The following PATL2 variants were observed in gnomAD, a reference collection of about 807,000 sequenced individuals.
PATL2 encodes the protein protein PAT1 homolog 2.
A neutral mutation model predicts 77.0 loss-of-function variants in PATL2; 73 were observed. The ratio of observed to expected loss-of-function variants is 0.95; its 90% CI spans 0.78 to 1.15. The LOEUF is 1.15. Ranked by LOEUF, PATL2 falls within the 50% of genes most tolerant of loss-of-function variation. The pLI is 0.00. For missense variants in PATL2, 618 were observed against 655.4 expected (o/e 0.94, Z 0.62); for synonymous variants, 265 against 257.1 (o/e 1.03, Z -0.29).
chr15:44,674,332 G>A, intron 5 of PATL2, 102 bp from the exon 6 acceptor site: 2 of 890,724 alleles, frequency 2.2e-6, no homozygotes, highest in East Asian at 5.5e-5. Context: ...GCAAGACCAG[G>A]TGTTCCAACA....
intron 3 of PATL2, among the ~76,000 whole-genome samples, chr15:44,707,558 C>A (rs944095053): frequency 3.3e-5 from 5 of 152,154 alleles, no homozygotes; most frequent in African/African-American, 4.8e-5. Context: ...GGCCTCAGGA[C>A]TTTGCCTGGT....
chr15:44,697,568 T>A (rs2086534271), intron 3 of PATL2: 1 of 152,214 alleles, frequency 6.6e-6, no homozygotes, highest in Admixed American at 6.6e-5. Flanking sequence ...GTGTATCTAG[T>A]TCCCCTCACC....
At chr15:44,668,889 G>T in intron 14 of PATL2, 91 bp downstream of exon 14, 33 of 1,394,916 alleles carry the variant, frequency 2.4e-5, no homozygotes, top group Non-Finnish European at 3.0e-5. Context: ...CACCTTCTCT[G>T]GCATCTCTGG....
intron 7 of PATL2, 133 bp from the exon 8 acceptor site, chr15:44,672,589 G>C (rs2085744683): frequency 3.6e-6 from 3 of 825,650 alleles, no homozygotes; most frequent in Non-Finnish European, 5.7e-6. Context: ...CCCAAAGTCA[G>C]CCACATGGCA....
At position 44,710,883 on chromosome 15, in the gene PATL2, G is replaced by A. The variant is rs904675909; in HGVS notation, c.-207C>T. The A allele has an allele frequency of 2.2e-5, 3 of 133,678 alleles. No individual in the cohort carries two copies. Among genetic ancestry groups the A allele is most frequent in the African/African-American group, 8.8e-5 (3 of 34,258 alleles). The allele number at this position is 133,678 out of a possible 1,614,324, so 8.3% of individuals were successfully genotyped here. A position where few individuals can be genotyped will look rare whatever the true frequency, so the allele number is the denominator to read the frequency against. On this transcript the variant is annotated 5_prime_UTR_variant, in exon 2 of 18. Transcript: ENST00000682850. Reference sequence around the variant, plus strand: ...CAAAGAAAATTACCTAAACAGCAAGGACATAGGGAGGAACTTCTTGGCACA... The same window carrying A: ...CAAAGAAAATTACCTAAACAGCAAGAACATAGGGAGGAACTTCTTGGCACA...
chr15:44,672,218 G>A (rs1459990936), intron 8 of PATL2, 62 bp from the exon 9 acceptor site: 2 of 1,550,696 alleles, frequency 1.3e-6, no homozygotes, highest in African/African-American at 1.4e-5. Context: ...TAAGGAGTGT[G>A]GTGAGCAGGA....
At position 44,672,243 on chromosome 15, in the gene PATL2, G is replaced by T. The variant is rs1319379237; in HGVS notation, c.516-87C>A. On this transcript the variant is annotated intron_variant, in intron 8 of 17. Transcript: ENST00000682850. The stretch of plus-strand genomic sequence containing the variant: ...GGTGAGCAGGAAGTGGGGCTCTCTG[G>T]GAAGGATGGAGCAAGCACAGAGGTG... The T allele has an allele frequency of 2.6e-6, 4 of 1,544,712 alleles. No homozygotes were observed. In the South Asian group the frequency reaches 4.8e-5, roughly 18 times the overall value.
intron 3 of PATL2, among the ~76,000 whole-genome samples, chr15:44,691,373 T>C (rs1046950183): frequency 6.6e-6 from 1 of 152,156 alleles, no homozygotes. Flanking sequence ...TAAAACAGAT[T>C]GTGGCCAGGC....
chr15:44,675,685 C>T lies in PATL2; in HGVS notation c.23G>A (p.Gly8Asp). MNCLEGP[G>D]KTCGPLASEE... The stretch of plus-strand genomic sequence containing the variant: ...AGAAGCCAAGGGGCCACAGGTCTTA[C>T]CTGGCCCTTGGTTTAAGTGTGGGCC... The change falls in exon 5 of 18, where the codon GGT (glycine) becomes GAT (aspartate). Residue 8 changes from glycine to aspartate, a missense_variant. Coordinates refer to ENST00000682850, the MANE Select transcript of PATL2 (RefSeq NM_001387263.1). 4 of 1,548,472 alleles carry T rather than the reference C, an allele frequency of 2.6e-6. No homozygotes were observed. The highest frequency in any genetic ancestry group is 1.7e-4 in the Middle Eastern group (1 of 5,976).
chr15:44,672,219 G>C (rs1333576469), intron 8 of PATL2, 63 bp from the exon 9 acceptor site: 2 of 1,550,640 alleles, frequency 1.3e-6, no homozygotes, highest in Admixed American at 3.9e-5. Flanking sequence ...AAGGAGTGTG[G>C]TGAGCAGGAA....
chr15:44,669,473 A>G, intron 12 of PATL2, 37 bp downstream of exon 12: 1 of 1,549,394 alleles, frequency 6.5e-7, no homozygotes, highest in South Asian at 1.2e-5. Context: ...TCTCAAAGGT[A>G]GGTTTGGAAC....
intron 7 of PATL2, 129 bp downstream of exon 7, chr15:44,673,106 G>A: frequency 3.2e-6 from 4 of 1,237,106 alleles, no homozygotes; most frequent in Non-Finnish European, 2.2e-6. Context: ...GAGGGAGACG[G>A]AATTAGACTA....
chr15:44,676,572 C>T lies in PATL2; in HGVS notation c.-75-7G>A, dbSNP rs2085966113. 6.5e-7 allele frequency: 1 copy of T among 1,548,372 alleles called. No homozygotes were observed. Among genetic ancestry groups the T allele is most frequent in the African/African-American group, 1.4e-5 (1 of 72,946 alleles). ...CAGCCTCTGGAAGGTAAACCTGAGA[C>T]AAGAAAGAGGCCAAGAGGCACCATC... On this transcript the variant is annotated splice_region_variant and splice_polypyrimidine_tract_variant and intron_variant, in intron 3 of 17. Coordinates refer to ENST00000682850, the MANE Select transcript of PATL2 (RefSeq NM_001387263.1).
intron 3 of PATL2, among the ~76,000 whole-genome samples, chr15:44,686,846 C>T (rs945761927): frequency 6.6e-6 from 1 of 152,118 alleles, no homozygotes; most frequent in Non-Finnish European, 1.5e-5. Flanking sequence ...CCTCCCGAGA[C>T]TAAACCAGGA....
chr15:44,668,350 G>T lies in PATL2; in HGVS notation c.1357C>A (p.Gln453Lys). The T allele has an allele frequency of 6.4e-7, 1 of 1,550,598 alleles. No individual in the cohort carries two copies. Among genetic ancestry groups the T allele is most frequent in the Non-Finnish European group, 8.7e-7 (1 of 1,146,852 alleles). The change falls in exon 15 of 18, where the codon CAG becomes AAG. Residue 453 changes from glutamine to lysine, a missense_variant. Coordinates refer to ENST00000682850, the MANE Select transcript of PATL2 (RefSeq NM_001387263.1). ...CCTCCTAGACATGTTACCTGATTCTGAAGCACCACGGTGACTGGCCGCTCT... is the reference window on the plus strand; with the variant it reads ...CCTCCTAGACATGTTACCTGATTCTTAAGCACCACGGTGACTGGCCGCTCT... ...SSERPVTVVL[Q>K]NQFGISLLYA... is the part of the protein sequence containing the mutation.
At position 44,676,485 on chromosome 15, in the gene PATL2, A is replaced by G. The variant is rs991520262; in HGVS notation, c.6T>C (p.Asn2=). Residue 2 remains asparagine (N), a synonymous_variant, in exon 4 of 18, where the codon AAT becomes AAC. Coordinates refer to ENST00000682850, the MANE Select transcript of PATL2 (RefSeq NM_001387263.1). The stretch of plus-strand genomic sequence containing the variant: ...CCCACTTGTTGATACCTTCAAGGCA[A>G]TTCATCTTGGCAGGCTGGTGGACTT... The part of the protein sequence containing the change: M[N]CLEGPGKTCG... 6.4e-6 allele frequency: 10 copies of G among 1,551,402 alleles called. No individual in the cohort carries two copies. In the East Asian group the frequency reaches 2.2e-4, roughly 34 times the overall value.
intron 4 of PATL2, 176 bp downstream of exon 4, chr15:44,676,299 G>C: frequency 1.6e-6 from 1 of 641,818 alleles, no homozygotes; most frequent in Admixed American, 2.6e-5. Flanking sequence ...AGGTTGGTGA[G>C]AAAAATAAAG....
chr15:44,703,878 C>A (rs867287043), intron 3 of PATL2, among the ~76,000 whole-genome samples: 1 of 151,192 alleles, frequency 6.6e-6, no homozygotes, highest in Non-Finnish European at 1.5e-5. Flanking sequence ...GTTTTGTGGT[C>A]CTCTGTTCCT....
At chr15:44,693,889 G>T (rs1255223684) in intron 3 of PATL2, among the ~76,000 whole-genome samples, 2 of 151,848 alleles carry the variant, frequency 1.3e-5, no homozygotes, top group African/African-American at 4.8e-5. Context: ...TTTTAGTAGA[G>T]ACAGGGTTTC....
Sources: allele counts gnomAD v4.1 joint callset (sites outside exome capture counted in the v4.1 genomes callset), GRCh38; gene constraint gnomAD v4.1.1; transcripts MANE v1.5; gene names NCBI Gene and HGNC (gene_info 2026-07-23, HGNC 2026-07-21).